The following STK32A variants were observed in gnomAD, a reference collection of about 807,000 sequenced individuals.
STK32A encodes serine/threonine-protein kinase 32A.
STK32A carries 41 observed loss-of-function variants against 53.2 expected under a neutral mutation model. That is an observed-to-expected ratio of 0.77 (90% CI 0.60 to 1.00). STK32A has a LOEUF of 1.00. Ranked by LOEUF, STK32A falls within the 50% of genes least tolerant of loss-of-function variation. The pLI is 0.00. For missense variants in STK32A, 458 were observed against 485.8 expected (o/e 0.94, Z 0.54); for synonymous variants, 166 against 162.8 (o/e 1.02, Z -0.15).
At position 147,266,850 on chromosome 5, in the gene STK32A, C is replaced by A. The variant is rs550385554; in HGVS notation, c.53-11274C>A. ...GACCAGCCTGATAACATAGAGAAAC[C>A]CTGCCTCTCCTAAAAATACAAAATT... is the stretch of plus-strand genomic sequence containing the variant. On this transcript the variant is annotated intron_variant, in intron 2 of 12. Transcript: ENST00000397936. 1.3e-4 allele frequency among the ~76,000 whole-genome samples: 20 copies of A among 152,066 alleles called. No individual in the cohort carries two copies. In the South Asian group the frequency reaches 3.5e-3, roughly 27 times the overall value.
At chr5:147,303,743 T>A (rs1302968082) in intron 4 of STK32A, among the ~76,000 whole-genome samples, 1 of 152,210 alleles carries the variant, frequency 6.6e-6, no homozygotes, top group East Asian at 1.9e-4. Context: ...ATTGAGTCCT[T>A]GTAGTGCTCT....
chr5:147,255,568 C>G (rs545742132), intron 2 of STK32A, among the ~76,000 whole-genome samples: 1 of 152,338 alleles, frequency 6.6e-6, no homozygotes, highest in South Asian at 2.1e-4. Flanking sequence ...ATAGAGCAGT[C>G]AGACCATGCA....
At chr5:147,336,347 T>C (rs1430686228) in intron 5 of STK32A, among the ~76,000 whole-genome samples, 3 of 141,882 alleles carry the variant, frequency 2.1e-5, no homozygotes, top group Non-Finnish European at 4.6e-5. Flanking sequence ...CCCCCACCCC[T>C]TCCCTCCCTT....
At chr5:147,319,853 T>C (rs1445280706) in intron 4 of STK32A, among the ~76,000 whole-genome samples, 4 of 152,180 alleles carry the variant, frequency 2.6e-5, no homozygotes, top group Non-Finnish European at 5.9e-5. Flanking sequence ...TTGCTTTTCC[T>C]TGCTCAGAAT....
intron 2 of STK32A, among the ~76,000 whole-genome samples, chr5:147,261,085 T>C (rs1754546633): frequency 6.6e-6 from 1 of 151,960 alleles, no homozygotes; most frequent in Admixed American, 6.6e-5. Flanking sequence ...ACTGGGTGGG[T>C]CTTGATTTCT....
intron 4 of STK32A, among the ~76,000 whole-genome samples, chr5:147,282,162 A>T (rs561250372): frequency 1.7e-3 from 263 of 152,306 alleles, no homozygotes; most frequent in Admixed American, 2.8e-3. Flanking sequence ...TTTAAAGCAT[A>T]AATCACAGAG....
chr5:147,387,090 C>G lies in STK32A; in HGVS notation c.*3107C>G, dbSNP rs1489712277. On this transcript the variant is annotated 3_prime_UTR_variant, in exon 13 of 13. Coordinates refer to ENST00000397936, the MANE Select transcript of STK32A (RefSeq NM_001112724.2). ...TGCTTCCCTTGCCTGTATGGAGCAT[C>G]TGCAAAGTCTGAGCAGGTTTTGAAG... 6.6e-6 allele frequency: 1 copy of G among 152,248 alleles called. No individual in the cohort carries two copies. The highest frequency in any genetic ancestry group is 1.5e-5 in the Non-Finnish European group (1 of 68,062). The allele number at this position is 152,248 out of a possible 1,614,324, so 9.4% of individuals were successfully genotyped here. A position where few individuals can be genotyped will look rare whatever the true frequency, so the allele number is the denominator to read the frequency against.
intron 5 of STK32A, among the ~76,000 whole-genome samples, chr5:147,325,883 C>T (rs1305481280): frequency 2.6e-5 from 4 of 152,172 alleles, no homozygotes; most frequent in Non-Finnish European, 2.9e-5. Flanking sequence ...CAACCACAGC[C>T]TATCTTGGTT....
intron 4 of STK32A, among the ~76,000 whole-genome samples, chr5:147,285,763 G>C (rs1192232608): frequency 1.3e-5 from 1 of 74,590 alleles, no homozygotes; most frequent in African/African-American, 5.3e-5. Flanking sequence ...CTGCAAGAAT[G>C]GTTATAATAA....
intron 5 of STK32A, among the ~76,000 whole-genome samples, chr5:147,326,451 C>T (rs184008240): frequency 2.6e-5 from 4 of 152,230 alleles, no homozygotes; most frequent in African/African-American, 9.6e-5. Flanking sequence ...TGCACCTCTC[C>T]CCCCACCTCC....
At chr5:147,399,973 G>A in the STK32A span, among the ~76,000 whole-genome samples, 37 of 152,242 alleles carry the variant, frequency 2.4e-4, no homozygotes, top group African/African-American at 8.4e-4. Flanking sequence ...AGCTTCCTGG[G>A]AGCAAAGAAG....
intron 1 of STK32A, among the ~76,000 whole-genome samples, chr5:147,235,875 A>T (rs1753290816): frequency 1.3e-5 from 2 of 152,264 alleles, no homozygotes; most frequent in African/African-American, 4.8e-5. Flanking sequence ...TGCTTTAAAA[A>T]TAAAAATGAT....
At chr5:147,243,599 G>A (rs911844357) in intron 2 of STK32A, among the ~76,000 whole-genome samples, 1 of 151,948 alleles carries the variant, frequency 6.6e-6, no homozygotes, top group African/African-American at 2.4e-5. Flanking sequence ...AAATTAGCTG[G>A]GCATGCCAGT....
chr5:147,256,455 C>T (rs931936489), intron 2 of STK32A, among the ~76,000 whole-genome samples: 9 of 152,168 alleles, frequency 5.9e-5, no homozygotes, highest in African/African-American at 2.2e-4. Flanking sequence ...CAGGCATTTG[C>T]ATCTTGGTAT....
At chr5:147,356,080 T>C (rs1410516276) in intron 7 of STK32A, among the ~76,000 whole-genome samples, 1 of 152,118 alleles carries the variant, frequency 6.6e-6, no homozygotes, top group Non-Finnish European at 1.5e-5. Context: ...TAAAATAGGT[T>C]TTACTATTGT....
chr5:147,289,158 G>T (rs1581044719), intron 4 of STK32A, among the ~76,000 whole-genome samples: 1 of 151,546 alleles, frequency 6.6e-6, no homozygotes, highest in South Asian at 2.1e-4. Flanking sequence ...TATGTTGCTT[G>T]TTTTGTTTTG....
intron 2 of STK32A, among the ~76,000 whole-genome samples, chr5:147,270,196 A>C (rs17106372): frequency 0.087 from 13,177 of 152,164 alleles, 665 homozygotes; most frequent in Admixed American, 0.13. Context: ...AACTACATAA[A>C]ATTTAAAACT....
intron 11 of STK32A, 52 bp from the exon 12 acceptor site, chr5:147,383,389 C>T: frequency 6.8e-7 from 1 of 1,468,022 alleles, no homozygotes; most frequent in Non-Finnish European, 9.3e-7. Context: ...TTTGAAGATT[C>T]TCATTTGTCT....
At chr5:147,316,656 G>C (rs1754001422) in intron 4 of STK32A, among the ~76,000 whole-genome samples, 1 of 151,984 alleles carries the variant, frequency 6.6e-6, no homozygotes, top group African/African-American at 2.4e-5. Context: ...TTCAGTTCAA[G>C]ACCAGTCTGA....
Sources: gnomAD v4.1 joint callset for allele counts (sites outside exome capture counted in the v4.1 genomes callset) on GRCh38, gnomAD v4.1.1 for gene constraint, MANE v1.5 for transcripts, NCBI Gene and HGNC (gene_info 2026-07-23, HGNC 2026-07-21) for gene names.